Variants in MAMDC2 observed in about 807,000 individuals in gnomAD.
MAMDC2 encodes the protein MAM domain containing 2.
Under a neutral mutation model 89.8 loss-of-function variants are expected in MAMDC2, and 57 were observed. That is an observed-to-expected ratio of 0.63 (90% CI 0.51 to 0.79). The LOEUF (loss-of-function observed/expected upper bound fraction) is 0.79, where lower values mean the gene tolerates loss of function less well. Ranked by LOEUF, MAMDC2 falls within the 30% of genes least tolerant of loss-of-function variation. The pLI, the probability that MAMDC2 is intolerant of heterozygous loss-of-function variation, is 0.00. For synonymous variants in MAMDC2, 313 were observed against 293.4 expected (o/e 1.07, Z -0.68); for missense variants, 800 against 820.6 (o/e 0.97, Z 0.31).
At chr9:70,189,266 T>C (rs913911781) in intron 11 of MAMDC2, among the ~76,000 whole-genome samples, 2 of 152,120 alleles carry the variant, frequency 1.3e-5, no homozygotes, top group African/African-American at 4.8e-5. Flanking sequence ...TATTTGAGAG[T>C]GTCCTAAGTT....
At position 70,203,265 on chromosome 9, in the gene MAMDC2, G is replaced by A. The variant is rs562789781; in HGVS notation, c.1652-15072G>A. ...GGGCAGGCCTGATGGTGACAAAATC[G>A]GTCAGCATTTGCTTGTCTGTAAAGT... On this transcript the variant is annotated intron_variant, in intron 11 of 13. Coordinates refer to ENST00000377182, the MANE Select transcript of MAMDC2 (RefSeq NM_153267.5). Among the ~76,000 whole-genome samples, 605 of 152,044 alleles carry A rather than the reference G, an allele frequency of 4.0e-3. 3 individuals are homozygous for A. The highest frequency in any genetic ancestry group is 0.013 in the African/African-American group (554 of 41,464).
Position 70,206,539 on chromosome 9 carries a change from C to T in MAMDC2, c.1652-11798C>T, listed in dbSNP as rs540487703. Among the ~76,000 whole-genome samples, 57 of 152,054 alleles carry T rather than the reference C, an allele frequency of 3.7e-4. No homozygotes were observed. In the South Asian group the frequency reaches 0.011, roughly 29 times the overall value. On this transcript the variant is annotated intron_variant, in intron 11 of 13. Coordinates refer to ENST00000377182, the MANE Select transcript of MAMDC2 (RefSeq NM_153267.5). The stretch of plus-strand genomic sequence containing the variant: ...AGAAAAGTAGTGGGCATTTATAGTC[C>T]CCTCGATGTTACTCCTCTCTTCCAA...
At chr9:70,194,966 T>G (rs1001027937) in intron 11 of MAMDC2, among the ~76,000 whole-genome samples, 1 of 152,094 alleles carries the variant, frequency 6.6e-6, no homozygotes, top group African/African-American at 2.4e-5. Flanking sequence ...TTTTTCTAAT[T>G]TGTTAGTAAT....
intron 11 of MAMDC2, among the ~76,000 whole-genome samples, chr9:70,197,070 T>TTG (rs3071632): frequency 0.91 from 138,222 of 152,030 alleles, 63,041 homozygotes; most frequent in East Asian, 0.98. Context: ...AATGTTCAGG[T>TTG]TGTTATTGCC....
intron 7 of MAMDC2, among the ~76,000 whole-genome samples, chr9:70,134,642 C>A (rs1265751484): frequency 6.6e-6 from 1 of 152,182 alleles, no homozygotes; most frequent in Non-Finnish European, 1.5e-5. Context: ...ATTGGCCATT[C>A]ACTGACAACA....
At chr9:70,202,185 G>A (rs1419667634) in intron 11 of MAMDC2, among the ~76,000 whole-genome samples, 1 of 150,400 alleles carries the variant, frequency 6.6e-6, no homozygotes, top group African/African-American at 2.4e-5. Flanking sequence ...TCTCTTGTGG[G>A]CATTTAGTGC....
chr9:70,123,518 G>A (rs909146637), intron 5 of MAMDC2, among the ~76,000 whole-genome samples: 7 of 152,108 alleles, frequency 4.6e-5, no homozygotes, highest in South Asian at 2.1e-4. Context: ...TTTATTTGGC[G>A]CATACAAAGT....
At chr9:70,215,654 G>A (rs1046511351) in intron 11 of MAMDC2, among the ~76,000 whole-genome samples, 1 of 152,174 alleles carries the variant, frequency 6.6e-6, no homozygotes, top group Non-Finnish European at 1.5e-5. Context: ...TGGAGCCTAT[G>A]GTGGCACCAT....
chr9:70,101,375 A>G (rs1371962051), intron 2 of MAMDC2, among the ~76,000 whole-genome samples: 2 of 152,188 alleles, frequency 1.3e-5, no homozygotes, highest in Non-Finnish European at 2.9e-5. Context: ...ATTTTATATA[A>G]ATTCAGAATA....
chr9:70,181,063 T>C (rs1000424647), intron 11 of MAMDC2, among the ~76,000 whole-genome samples: 2 of 152,242 alleles, frequency 1.3e-5, no homozygotes, highest in East Asian at 1.9e-4. Context: ...TTCAGTTTTC[T>C]GCATATGGCT....
chr9:70,114,435 A>T (rs2029882474), intron 5 of MAMDC2, among the ~76,000 whole-genome samples: 1 of 151,748 alleles, frequency 6.6e-6, no homozygotes, highest in Non-Finnish European at 1.5e-5. Flanking sequence ...AATTTTTAAA[A>T]GTTGGTGAAT....
At chr9:70,065,579 CT>C (rs34893537) in intron 2 of MAMDC2, among the ~76,000 whole-genome samples, 90,922 of 141,254 alleles carry the variant, frequency 0.64, 29,854 homozygotes, top group South Asian at 0.76. Context: ...ACCCCACGTC[CT>C]TTTTTTTTTT....
chr9:70,179,130 T>G (rs2032575987), intron 11 of MAMDC2, among the ~76,000 whole-genome samples: 1 of 151,578 alleles, frequency 6.6e-6, no homozygotes, highest in Non-Finnish European at 1.5e-5. Flanking sequence ...AAAACGTATT[T>G]ACTTAAAATT....
In MAMDC2 at chr9:70,097,119, G is replaced by A. The variant is rs1225945963; in HGVS notation, c.149-11092G>A. Among the ~76,000 whole-genome samples the A allele has an allele frequency of 3.9e-5, 6 of 152,036 alleles. No homozygotes were observed. The South Asian group carries it at 8.3e-4, about 21-fold the overall frequency. On this transcript the variant is annotated intron_variant, in intron 2 of 13. Coordinates refer to ENST00000377182, the MANE Select transcript of MAMDC2 (RefSeq NM_153267.5). Reference sequence around the variant, plus strand: ...CACTCTATTCAGGGCATCTCCCCAGGCCTCACTGTTTTCTTCCATTTCCAT... The same window carrying A: ...CACTCTATTCAGGGCATCTCCCCAGACCTCACTGTTTTCTTCCATTTCCAT...
chr9:70,119,625 G>A (rs567088740), intron 5 of MAMDC2, among the ~76,000 whole-genome samples: 1 of 152,286 alleles, frequency 6.6e-6, no homozygotes, highest in African/African-American at 2.4e-5. Context: ...TCAAGGATTA[G>A]ATGCAGTCAA....
chr9:70,136,886 T>G (rs2031031982), intron 7 of MAMDC2, among the ~76,000 whole-genome samples: 1 of 152,224 alleles, frequency 6.6e-6, no homozygotes. Context: ...ATGTAACATC[T>G]TGTTCATTTT....
At chr9:70,124,115 C>T (rs2030416235) in intron 5 of MAMDC2, among the ~76,000 whole-genome samples, 1 of 152,178 alleles carries the variant, frequency 6.6e-6, no homozygotes, top group South Asian at 2.1e-4. Flanking sequence ...CTGCAGTAGA[C>T]CCTGCTCTCT....
chr9:70,202,964 G>A (rs1175831598), intron 11 of MAMDC2, among the ~76,000 whole-genome samples: 8 of 151,372 alleles, frequency 5.3e-5, no homozygotes, highest in African/African-American at 1.9e-4. Flanking sequence ...CACGTGAGAT[G>A]GGTTTCCTGA....
chr9:70,056,615 G>A (rs1258170196), intron 2 of MAMDC2, among the ~76,000 whole-genome samples: 1 of 152,170 alleles, frequency 6.6e-6, no homozygotes, highest in East Asian at 1.9e-4. Context: ...CACGCGGCGT[G>A]ATTCATTTTC....
Sources: gnomAD v4.1 joint callset for allele counts (sites outside exome capture counted in the v4.1 genomes callset) on GRCh38, gnomAD v4.1.1 for gene constraint, MANE v1.5 for transcripts, NCBI Gene and HGNC (gene_info 2026-07-23, HGNC 2026-07-21) for gene names.